PRR33: variants seen among roughly 807,000 people sequenced by gnomAD.
The protein encoded by PRR33 is proline-rich protein 33.
Under a neutral mutation model 0.5 loss-of-function variants are expected in PRR33, and 1 was observed. The observed-to-expected ratio is 2.18, with a 90% CI of 0.77 to 10.34. The LOEUF (loss-of-function observed/expected upper bound fraction) is 10.34, where lower values mean the gene tolerates loss of function less well. PRR33 is among the 30% of genes most tolerant of loss of function. The pLI is 0.13. For synonymous variants in PRR33, 226 were observed against 110.0 expected, an observed-to-expected ratio of 2.06 and a Z score of -6.60; for missense variants, 552 against 251.8, an observed-to-expected ratio of 2.19 and a Z score of -8.07.
At chr11:1,899,899 G>A in the PRR33 span, among the ~76,000 whole-genome samples, 1 of 152,086 alleles carries the variant, frequency 6.6e-6, no homozygotes, top group Non-Finnish European at 1.5e-5. Context: ...CTCCAGCAAT[G>A]TTTCAATGGC....
chr11:1,894,291 T>C (rs1365755303), upstream of PRR33, among the ~76,000 whole-genome samples: 7 of 151,088 alleles, frequency 4.6e-5, no homozygotes, highest in African/African-American at 1.7e-4. Context: ...GGGAGTGCAG[T>C]GGCACAATGA....
At chr11:1,890,557 G>C in exon 1 of PRR33, 1 of 712,274 alleles carries the variant, frequency 1.4e-6, no homozygotes, top group Non-Finnish European at 2.6e-6. Flanking sequence ...CACACCTCGG[G>C]TGCCATCGAC....
upstream of PRR33, among the ~76,000 whole-genome samples, chr11:1,893,388 G>T (rs1286148215): frequency 6.6e-6 from 1 of 150,656 alleles, no homozygotes; most frequent in East Asian, 2.0e-4. Flanking sequence ...TGGATGAGTG[G>T]GTGAATAGGT....
At chr11:1,904,859 T>C in the PRR33 span, among the ~76,000 whole-genome samples, 5 of 151,816 alleles carry the variant, frequency 3.3e-5, no homozygotes, top group African/African-American at 1.2e-4. Context: ...GCCTCTCTTG[T>C]TCCTGATATC....
chr11:1,909,586 C>T, the PRR33 span, among the ~76,000 whole-genome samples: 4 of 152,010 alleles, frequency 2.6e-5, no homozygotes, highest in African/African-American at 9.7e-5. Flanking sequence ...TCCAGCTCGG[C>T]GACAGAACAA....
chr11:1,907,835 A>G, the PRR33 span: 2 of 151,960 alleles, frequency 1.3e-5, no homozygotes, highest in African/African-American at 4.8e-5. Flanking sequence ...TCCCCAGTGC[A>G]TACCTGATTT....
At chr11:1,889,302 G>A (rs1236144959) in exon 1 of PRR33, 3 of 704,358 alleles carry the variant, frequency 4.3e-6, no homozygotes, top group Non-Finnish European at 7.9e-6. Flanking sequence ...GGTGAGGCTG[G>A]CTGGGGTGTG....
chr11:1,907,388 A>G, the PRR33 span, among the ~76,000 whole-genome samples: 2 of 152,214 alleles, frequency 1.3e-5, no homozygotes, highest in African/African-American at 2.4e-5. Flanking sequence ...ATGAAAGCAG[A>G]TAAGTGTGCA....
At chr11:1,891,117 G>T in exon 1 of PRR33, 1 of 157,458 alleles carries the variant, frequency 6.4e-6, no homozygotes, top group Admixed American at 6.0e-5. Context: ...CGGCCAAGAG[G>T]CTTGGGAAAG....
the PRR33 span, among the ~76,000 whole-genome samples, chr11:1,911,985 TGA>T: frequency 8.8e-6 from 1 of 114,032 alleles, no homozygotes; most frequent in South Asian, 2.9e-4. Context: ...AGATAGTGAG[TGA>T]GACCCCATCT....
At chr11:1,907,119 G>T in the PRR33 span, among the ~76,000 whole-genome samples, 1 of 152,222 alleles carries the variant, frequency 6.6e-6, no homozygotes, top group Non-Finnish European at 1.5e-5. Flanking sequence ...TATTTTGTCT[G>T]TTCTGTGTTG....
exon 1 of PRR33, chr11:1,889,032 C>A: frequency 1.7e-6 from 1 of 574,100 alleles, no homozygotes; most frequent in South Asian, 2.1e-5. Context: ...GCACCCCATG[C>A]CCCTTGGGCC....
chr11:1,915,217 G>C, the PRR33 span, among the ~76,000 whole-genome samples: 1 of 146,122 alleles, frequency 6.8e-6, no homozygotes, highest in Non-Finnish European at 1.5e-5. Flanking sequence ...TGTGTGTCTT[G>C]TGGGGTGTAC....
chr11:1,898,537 G>A, the PRR33 span, among the ~76,000 whole-genome samples: 4 of 151,820 alleles, frequency 2.6e-5, no homozygotes, highest in Non-Finnish European at 5.9e-5. Context: ...GCCCAGCAGA[G>A]GGATACATTT....
At chr11:1,892,562 A>T (rs1849043750), upstream of PRR33, among the ~76,000 whole-genome samples, 1 of 152,218 alleles carries the variant, frequency 6.6e-6, no homozygotes, top group South Asian at 2.1e-4. Context: ...GCACCCACTG[A>T]GGGCAAGATC....
At chr11:1,899,220 G>A in the PRR33 span, among the ~76,000 whole-genome samples, 1 of 152,160 alleles carries the variant, frequency 6.6e-6, no homozygotes, top group South Asian at 2.1e-4. Context: ...TGCTTCTGGG[G>A]AGAAACTTCC....
At chr11:1,911,999 TAAAAAAAAAAAAAAAA>T in the PRR33 span, among the ~76,000 whole-genome samples, 2 of 26,996 alleles carry the variant, frequency 7.4e-5, no homozygotes, top group Admixed American at 5.9e-4. Context: ...ACCCCATCTC[TAAAAAAAAAAAAAAAA>T]AAAAAAAAAA....
the PRR33 span, among the ~76,000 whole-genome samples, chr11:1,913,651 G>T: frequency 3.4e-4 from 51 of 152,182 alleles, no homozygotes; most frequent in Non-Finnish European, 5.7e-4. Context: ...TAGTTAGTTG[G>T]GTTCTGACTT....
At chr11:1,889,348 C>T (rs1302766559) in exon 1 of PRR33, 16 of 712,156 alleles carry the variant, frequency 2.2e-5, no homozygotes, top group Non-Finnish European at 3.6e-5. Context: ...CGCCCTTGGG[C>T]CTCCGCCACT....
Sources: allele counts gnomAD v4.1 joint callset (sites outside exome capture counted in the v4.1 genomes callset), GRCh38; gene constraint gnomAD v4.1.1; transcripts MANE v1.5; gene names NCBI Gene and HGNC (gene_info 2026-07-23, HGNC 2026-07-21).